FER1L6: variants seen among roughly 807,000 people sequenced by gnomAD.
FER1L6 encodes the protein fer-1 like family member 6.
A neutral mutation model predicts 219.2 loss-of-function variants in FER1L6; 177 were observed. The ratio of observed to expected loss-of-function variants is 0.81; its 90% CI spans 0.71 to 0.91. The LOEUF is 0.91. FER1L6 is among the 40% of genes least tolerant of loss of function. The pLI is 0.00. For missense variants in FER1L6, 2,153 were observed against 2,259.9 expected, an observed-to-expected ratio of 0.95 and a Z score of 0.96; for synonymous variants, 768 against 824.3, an observed-to-expected ratio of 0.93 and a Z score of 1.17.
intron 32 of FER1L6, among the ~76,000 whole-genome samples, chr8:124,080,080 G>T (rs1821472180): frequency 1.3e-5 from 2 of 152,172 alleles, no homozygotes. Context: ...AATAAATGCT[G>T]AATGAACGAA....
intron 22 of FER1L6, among the ~76,000 whole-genome samples, chr8:124,057,128 C>T (rs536283226): frequency 1.3e-5 from 2 of 152,324 alleles, no homozygotes; most frequent in South Asian, 4.1e-4. Flanking sequence ...AAGTCACCAA[C>T]TTTATCCCAG....
In FER1L6 at chr8:123,977,494, C is replaced by T. The variant is rs1816136825; in HGVS notation, c.948C>T (p.Pro316=). The T allele has an allele frequency of 6.2e-7, 1 of 1,614,024 alleles. No individual in the cohort carries two copies. Reference sequence around the variant, plus strand: ...TGATCTTCAAGGAAATGTTCCCTCCCTTGTGTCGGAGGGTGAAAATCCAGG... The same window carrying T: ...TGATCTTCAAGGAAATGTTCCCTCCTTTGTGTCGGAGGGTGAAAATCCAGG... ...EQVIFKEMFP[P]LCRRVKIQVW... is the part of the protein sequence containing the mutation. Residue 316 remains proline (P), a synonymous_variant, in exon 10 of 41, where the codon CCC becomes CCT. Coordinates refer to ENST00000522917, the MANE Select transcript of FER1L6 (RefSeq NM_001039112.2).
At chr8:123,908,971 A>G (rs1813004866) in intron 1 of FER1L6, among the ~76,000 whole-genome samples, 2 of 152,222 alleles carry the variant, frequency 1.3e-5, no homozygotes, top group South Asian at 2.1e-4. Context: ...ACGTAAGACA[A>G]TAGGGAATAG....
intron 1 of FER1L6, among the ~76,000 whole-genome samples, chr8:123,867,101 GC>G (rs561327841): frequency 8.8e-4 from 134 of 152,112 alleles, no homozygotes; most frequent in Admixed American, 2.8e-3. Flanking sequence ...TATTTTTGTT[GC>G]CTGTGCTCTT....
At chr8:124,099,422 C>T (rs1048133155) in intron 37 of FER1L6, among the ~76,000 whole-genome samples, 1 of 152,186 alleles carries the variant, frequency 6.6e-6, no homozygotes, top group Non-Finnish European at 1.5e-5. Context: ...AATCTACAGA[C>T]CCTTTGCTCA....
intron 12 of FER1L6, among the ~76,000 whole-genome samples, chr8:124,001,306 C>T (rs1817400408): frequency 1.3e-5 from 2 of 152,204 alleles, no homozygotes; most frequent in African/African-American, 2.4e-5. Flanking sequence ...TCTTCTGTTT[C>T]AGTTTCATCT....
In FER1L6 at chr8:123,976,045, G is replaced by C. The variant is rs1816056051; in HGVS notation, c.831G>C (p.Leu277=). 3 of 1,613,850 alleles carry C rather than the reference G, an allele frequency of 1.9e-6. No individual in the cohort carries two copies. In the East Asian group the frequency reaches 6.7e-5, roughly 36 times the overall value. ...CATTTGTGGGTGACAGTAAGGACCT[G>C]GTGGATCCCTTTGTGGAGGTCTCCT... is the stretch of plus-strand genomic sequence containing the variant. The part of the protein sequence containing the change: ...TKAFVGDSKD[L]VDPFVEVSFA... The change falls in exon 9 of 41, where the codon CTG becomes CTC. Residue 277 remains leucine, a synonymous_variant. Coordinates refer to ENST00000522917, the MANE Select transcript of FER1L6 (RefSeq NM_001039112.2).
intron 16 of FER1L6, among the ~76,000 whole-genome samples, chr8:124,020,059 A>T (rs1563747913): frequency 6.6e-6 from 1 of 152,186 alleles, no homozygotes; most frequent in Non-Finnish European, 1.5e-5. Flanking sequence ...TAATTGAATC[A>T]TGGGGGCAGG....
chr8:124,107,009 T>G (rs530655673), intron 39 of FER1L6, among the ~76,000 whole-genome samples: 2 of 147,324 alleles, frequency 1.4e-5, no homozygotes, highest in African/African-American at 5.1e-5. Flanking sequence ...AGTGCAGTGG[T>G]GCAATCTCTG....
chr8:123,998,529 T>G (rs1034714914), intron 12 of FER1L6, among the ~76,000 whole-genome samples: 6 of 151,870 alleles, frequency 4.0e-5, no homozygotes, highest in Non-Finnish European at 8.8e-5. Flanking sequence ...CATCCCTGGG[T>G]CTCGCCTAAG....
chr8:123,966,443 C>G (rs942902767), intron 5 of FER1L6, among the ~76,000 whole-genome samples, 153 bp downstream of exon 5: 3 of 152,238 alleles, frequency 2.0e-5, no homozygotes, highest in Non-Finnish European at 2.9e-5. Flanking sequence ...CTTACAAACA[C>G]AGCCCCCTAA....
At chr8:123,876,759 G>A (rs954709256) in intron 1 of FER1L6, among the ~76,000 whole-genome samples, 1 of 152,126 alleles carries the variant, frequency 6.6e-6, no homozygotes, top group Non-Finnish European at 1.5e-5. Flanking sequence ...CATGTCATAA[G>A]TGTATGTTTA....
intron 22 of FER1L6, among the ~76,000 whole-genome samples, chr8:124,054,498 A>ATAAG (rs759684092): frequency 3.3e-5 from 5 of 152,108 alleles, no homozygotes; most frequent in East Asian, 3.8e-4. Flanking sequence ...TTTTTTCACG[A>ATAAG]TAAGTGTTAA....
chr8:123,981,098 T>C (rs1816308619), intron 11 of FER1L6, among the ~76,000 whole-genome samples: 1 of 151,786 alleles, frequency 6.6e-6, no homozygotes, highest in Non-Finnish European at 1.5e-5. Context: ...TTGGTGGGAG[T>C]GGGTGGTACG....
chr8:123,973,380 G>T (rs2130276441), intron 6 of FER1L6, 54 bp from the exon 7 acceptor site: 2 of 1,414,192 alleles, frequency 1.4e-6, no homozygotes, highest in Non-Finnish European at 2.0e-6. Flanking sequence ...CAAGGGTCAA[G>T]GCCTCTTATC....
intron 13 of FER1L6, among the ~76,000 whole-genome samples, chr8:124,005,051 C>T (rs1011206667): frequency 6.6e-6 from 1 of 151,750 alleles, no homozygotes; most frequent in African/African-American, 2.4e-5. Flanking sequence ...CCTGCATCTG[C>T]TCAGTGATGA....
rs906389390 is a variant in FER1L6 at position 123,853,222 on chromosome 8, T to C, written c.-8+1037T>C. On this transcript the variant is annotated intron_variant, in intron 1 of 40. Transcript: ENST00000522917. The surrounding 1 kb of genome is among the most constrained non-coding windows in gnomAD (Gnocchi z 6.6). ...CAGGCTGGAGTGCAGTGGTACAATC[T>C]TGGCTCACTGCAGCCGCCACCTCCC... Among the ~76,000 whole-genome samples the C allele has an allele frequency of 1.3e-5, 2 of 152,174 alleles. No homozygotes were observed. The highest frequency in any genetic ancestry group is 4.8e-5 in the African/African-American group (2 of 41,434).
At chr8:123,884,989 T>C (rs552306896) in intron 1 of FER1L6, among the ~76,000 whole-genome samples, 7 of 152,096 alleles carry the variant, frequency 4.6e-5, no homozygotes, top group African/African-American at 1.7e-4. Flanking sequence ...AGAGTGTCCT[T>C]AAAAAAAGAG....
At chr8:123,893,966 A>T (rs528342065) in intron 1 of FER1L6, among the ~76,000 whole-genome samples, 6 of 152,288 alleles carry the variant, frequency 3.9e-5, no homozygotes, top group African/African-American at 1.4e-4. Flanking sequence ...TGCCCACAGC[A>T]CCCCTCCTCA....
Sources: allele counts gnomAD v4.1 joint callset (sites outside exome capture counted in the v4.1 genomes callset), GRCh38; gene constraint gnomAD v4.1.1; non-coding constraint Gnocchi (gnomAD v3.1); transcripts MANE v1.5; gene names NCBI Gene and HGNC (gene_info 2026-07-23, HGNC 2026-07-21).